Variants in NME7 observed in about 807,000 individuals in gnomAD.
The protein encoded by NME7 is NME/NM23 family member 7.
A neutral mutation model predicts 49.1 loss-of-function variants in NME7; 41 were observed. That is an observed-to-expected ratio of 0.83 (90% CI 0.65 to 1.08). The LOEUF (loss-of-function observed/expected upper bound fraction) is 1.08, where lower values mean the gene tolerates loss of function less well. Ranked by LOEUF, NME7 falls within the 50% of genes least tolerant of loss-of-function variation. The pLI, the probability that NME7 is intolerant of heterozygous loss-of-function variation, is 0.00. For synonymous variants in NME7, 139 were observed against 150.6 expected (o/e 0.92, Z 0.56); for missense variants, 423 against 463.4 (o/e 0.91, Z 0.80).
chr1:169,336,127 TG>T (rs1652459152), intron 1 of NME7, among the ~76,000 whole-genome samples: 1 of 151,662 alleles, frequency 6.6e-6, no homozygotes, highest in African/African-American at 2.4e-5. Context: ...TGCAGACCTT[TG>T]CGGTGAGTGT....
chr1:169,280,857 G>T (rs929727304), intron 7 of NME7, among the ~76,000 whole-genome samples: 2 of 151,036 alleles, frequency 1.3e-5, no homozygotes, highest in African/African-American at 4.9e-5. Context: ...GGTTACTGTA[G>T]CCTTGTAGTA....
At chr1:169,275,267 TTG>T (rs778897343) in intron 7 of NME7, among the ~76,000 whole-genome samples, 2 of 130,076 alleles carry the variant, frequency 1.5e-5, no homozygotes, top group Non-Finnish European at 3.6e-5. Flanking sequence ...GGCTCTCTGT[TTG>T]TCTGTTATTG....
chr1:169,306,770 C>A (rs1455986637), intron 4 of NME7, among the ~76,000 whole-genome samples: 1 of 152,138 alleles, frequency 6.6e-6, no homozygotes, highest in East Asian at 1.9e-4. Context: ...GTAATTCTAG[C>A]ACTTTGGGAG....
chr1:169,350,008 T>C (rs762193487), intron 1 of NME7, among the ~76,000 whole-genome samples: 2 of 151,798 alleles, frequency 1.3e-5, no homozygotes, highest in African/African-American at 2.4e-5. Flanking sequence ...CTGGCCAACA[T>C]AGTGACACCC....
At chr1:169,341,437 C>A (rs1184260167) in intron 1 of NME7, among the ~76,000 whole-genome samples, 1 of 152,204 alleles carries the variant, frequency 6.6e-6, no homozygotes, top group African/African-American at 2.4e-5. Context: ...GCAGAGCCCT[C>A]ATGGAGAGCC....
chr1:169,214,307 C>T (rs997354254), intron 10 of NME7, among the ~76,000 whole-genome samples: 2 of 152,168 alleles, frequency 1.3e-5, no homozygotes, highest in African/African-American at 4.8e-5. Context: ...TCTTTCCTTT[C>T]CTAACCTGCT....
At chr1:169,324,044 G>A (rs953805944) in intron 2 of NME7, among the ~76,000 whole-genome samples, 2 of 151,400 alleles carry the variant, frequency 1.3e-5, no homozygotes, top group East Asian at 1.9e-4. Context: ...TAGTAGAGAT[G>A]GGTTTTCACC....
intron 3 of NME7, among the ~76,000 whole-genome samples, chr1:169,312,354 T>C (rs1368654384): frequency 2.0e-5 from 3 of 152,190 alleles, no homozygotes; most frequent in African/African-American, 7.2e-5. Flanking sequence ...GCAAGTCACG[T>C]GGTCAAGCTC....
At chr1:169,303,748 G>A (rs921903720) in intron 4 of NME7, among the ~76,000 whole-genome samples, 1 of 151,982 alleles carries the variant, frequency 6.6e-6, no homozygotes, top group Non-Finnish European at 1.5e-5. Context: ...CACCGCACCT[G>A]GCCTTATCCA....
rs537193077 is a variant in NME7, at chr1:169,331,128, G to A, written c.4-6628C>T. Among the ~76,000 whole-genome samples, 10 of 152,256 alleles carry A rather than the reference G, an allele frequency of 6.6e-5. 1 individual carries two copies. The South Asian group carries it at 2.1e-3, about 32-fold the overall frequency. On this transcript the variant is annotated intron_variant, in intron 1 of 11. Coordinates refer to ENST00000367811, the MANE Select transcript of NME7 (RefSeq NM_013330.5). ...AAGATCATTCATTATGACCGAGTGG[G>A]ATATATCCCTGGGATGCAAGGATGG...
chr1:169,281,412 ACTT>A (rs1391274996), intron 7 of NME7, among the ~76,000 whole-genome samples: 2 of 152,304 alleles, frequency 1.3e-5, no homozygotes, highest in South Asian at 2.1e-4. Context: ...AGACAATTTG[ACTT>A]CTTCTCTTCC....
intron 1 of NME7, among the ~76,000 whole-genome samples, chr1:169,353,987 G>A (rs1419123103): frequency 1.3e-5 from 2 of 152,072 alleles, no homozygotes; most frequent in Non-Finnish European, 2.9e-5. Flanking sequence ...ATTGAGAACA[G>A]TTTAGAGCTT....
intron 7 of NME7, among the ~76,000 whole-genome samples, chr1:169,238,757 A>C (rs1647965717): frequency 6.6e-6 from 1 of 152,068 alleles, no homozygotes; most frequent in African/African-American, 2.4e-5. Context: ...AGAAGCTCAA[A>C]GACAGAAAAG....
chr1:169,348,896 CA>C (rs34701797), intron 1 of NME7, among the ~76,000 whole-genome samples: 6 of 147,318 alleles, frequency 4.1e-5, no homozygotes, highest in Admixed American at 6.8e-5. Flanking sequence ...AGAGTTAACT[CA>C]AAAAAAAAAA....
intron 1 of NME7, among the ~76,000 whole-genome samples, chr1:169,337,995 G>A (rs1652546004): frequency 6.6e-6 from 1 of 152,130 alleles, no homozygotes; most frequent in South Asian, 2.1e-4. Context: ...AAGACAGACA[G>A]AAGGCAAACT....
At chr1:169,259,003 G>C (rs1321699750) in intron 7 of NME7, among the ~76,000 whole-genome samples, 1 of 133,618 alleles carries the variant, frequency 7.5e-6, no homozygotes, top group Non-Finnish European at 1.8e-5. Flanking sequence ...TAAGGTCTCT[G>C]AGAACAACAA....
chr1:169,196,950 G>C (rs979595583), intron 10 of NME7, among the ~76,000 whole-genome samples: 6 of 152,274 alleles, frequency 3.9e-5, no homozygotes, highest in Admixed American at 3.3e-4. Context: ...ATAAGATGCT[G>C]ATTCCTAATC....
At chr1:169,151,924 A>C (rs1658926964) in intron 11 of NME7, among the ~76,000 whole-genome samples, 1 of 152,156 alleles carries the variant, frequency 6.6e-6, no homozygotes, top group South Asian at 2.1e-4. Context: ...TCCCATGATA[A>C]ATTTCCAATT....
At chr1:169,252,920 T>C (rs1449661452) in intron 7 of NME7, among the ~76,000 whole-genome samples, 1 of 149,368 alleles carries the variant, frequency 6.7e-6, no homozygotes, top group South Asian at 2.2e-4. Flanking sequence ...CATTGATCTA[T>C]ATCTCTGTTT....
Sources: allele counts gnomAD v4.1 joint callset (sites outside exome capture counted in the v4.1 genomes callset), GRCh38; gene constraint gnomAD v4.1.1; transcripts MANE v1.5; gene names NCBI Gene and HGNC (gene_info 2026-07-23, HGNC 2026-07-21).